RPS6KC1: variants seen among roughly 807,000 people sequenced by gnomAD.
RPS6KC1 encodes the protein inactive ribosomal protein S6 kinase delta-1.
A neutral mutation model predicts 103.8 loss-of-function variants in RPS6KC1; 54 were observed. The ratio of observed to expected loss-of-function variants is 0.52; its 90% confidence interval spans 0.42 to 0.65. RPS6KC1 has a LOEUF of 0.65. Among genes scored for constraint, RPS6KC1 ranks in the 30% least tolerant of loss-of-function variants. RPS6KC1 has a pLI of 0.00. For missense variants in RPS6KC1, 1,151 were observed against 1,253.8 expected (o/e 0.92, Z 1.24); for synonymous variants, 439 against 438.7 (o/e 1.00, Z -0.01).
intron 2 of RPS6KC1, among the ~76,000 whole-genome samples, chr1:213,074,582 G>A (rs114656648): frequency 6.4e-4 from 98 of 152,198 alleles, no homozygotes; most frequent in African/African-American, 2.2e-3. Flanking sequence ...AAGAAAAGGA[G>A]GCAGTGGATG....
chr1:213,091,349 C>T (rs1012857201), intron 3 of RPS6KC1, among the ~76,000 whole-genome samples: 5 of 151,900 alleles, frequency 3.3e-5, no homozygotes, highest in Admixed American at 6.5e-5. Flanking sequence ...GGTGAGCCAC[C>T]GCGCCCGGCC....
chr1:213,587,320 T>C, the RPS6KC1 span, among the ~76,000 whole-genome samples: 1 of 152,176 alleles, frequency 6.6e-6, no homozygotes, highest in Non-Finnish European at 1.5e-5. Context: ...CAGCCCTATA[T>C]TTCTGCCTTA....
At chr1:213,624,249 C>A in the RPS6KC1 span, among the ~76,000 whole-genome samples, 1 of 152,198 alleles carries the variant, frequency 6.6e-6, no homozygotes, top group Non-Finnish European at 1.5e-5. Context: ...TAAGCACTTG[C>A]TGTGTACTCA....
At chr1:213,327,236 A>AAAAAGAAAGAAAGAAAGAAAGAAAGAAAG in the RPS6KC1 span, among the ~76,000 whole-genome samples, 1,479 of 144,654 alleles carry the variant, frequency 0.01, 20 homozygotes, top group South Asian at 0.029. Context: ...GAAAGAAAAG[A>AAAAAGAAAGAAAGAAAGAAAGAAAGAAAG]AAAGAAAGAA....
chr1:213,344,407 G>A, the RPS6KC1 span, among the ~76,000 whole-genome samples: 1 of 152,168 alleles, frequency 6.6e-6, no homozygotes, highest in South Asian at 2.1e-4. Flanking sequence ...AGCATAAAAA[G>A]CTGTCTTAAA....
At chr1:213,108,291 A>G (rs928668573) in intron 4 of RPS6KC1, among the ~76,000 whole-genome samples, 2 of 152,116 alleles carry the variant, frequency 1.3e-5, no homozygotes, top group Admixed American at 6.5e-5. Flanking sequence ...AACGGTCTAA[A>G]TTCATCTTCT....
At chr1:213,175,930 A>T (rs1197974047) in intron 7 of RPS6KC1, among the ~76,000 whole-genome samples, 1 of 152,226 alleles carries the variant, frequency 6.6e-6, no homozygotes, top group Non-Finnish European at 1.5e-5. Context: ...CTGTAGCTTT[A>T]TGATGAGAGA....
chr1:213,136,680 G>A (rs1375328471), intron 6 of RPS6KC1, among the ~76,000 whole-genome samples: 1 of 152,010 alleles, frequency 6.6e-6, no homozygotes, highest in Admixed American at 6.6e-5. Context: ...TATATATACA[G>A]AAAAGTAAAT....
chr1:213,388,758 C>T, the RPS6KC1 span, among the ~76,000 whole-genome samples: 3 of 152,144 alleles, frequency 2.0e-5, no homozygotes, highest in East Asian at 3.8e-4. Context: ...GAGTCACTTC[C>T]CAGGGACATC....
chr1:213,631,286 C>T, the RPS6KC1 span, among the ~76,000 whole-genome samples: 1 of 151,630 alleles, frequency 6.6e-6, no homozygotes, highest in Non-Finnish European at 1.5e-5. Flanking sequence ...CAGAAATCAC[C>T]CATCTTCTGT....
intron 6 of RPS6KC1, among the ~76,000 whole-genome samples, chr1:213,165,430 T>G (rs918625205): frequency 1.3e-5 from 2 of 150,242 alleles, no homozygotes; most frequent in South Asian, 2.1e-4. Flanking sequence ...TGTTGTTGTT[T>G]TTGTTTTTTT....
chr1:213,463,791 A>C, the RPS6KC1 span, among the ~76,000 whole-genome samples: 1 of 152,088 alleles, frequency 6.6e-6, no homozygotes, highest in Non-Finnish European at 1.5e-5. Context: ...AACTATTAAT[A>C]CTGTTCTCTG....
At chr1:213,491,792 T>G in the RPS6KC1 span, among the ~76,000 whole-genome samples, 6 of 152,196 alleles carry the variant, frequency 3.9e-5, no homozygotes, top group African/African-American at 1.4e-4. Flanking sequence ...ATTTGTTCTT[T>G]GTCCATAAGG....
chr1:213,161,910 T>C (rs570033191), intron 6 of RPS6KC1, among the ~76,000 whole-genome samples: 2 of 152,322 alleles, frequency 1.3e-5, no homozygotes, highest in East Asian at 3.9e-4. Context: ...CTTCCGTAGA[T>C]TTTCTACTTC....
intron 1 of RPS6KC1, among the ~76,000 whole-genome samples, chr1:213,055,523 T>C (rs896014368): frequency 3.3e-5 from 5 of 152,388 alleles, no homozygotes; most frequent in African/African-American, 9.6e-5. Context: ...ACAGCTATTA[T>C]GAACATTCAT....
chr1:213,552,503 A>G, the RPS6KC1 span, among the ~76,000 whole-genome samples: 28 of 152,098 alleles, frequency 1.8e-4, no homozygotes, highest in Admixed American at 1.3e-3. Flanking sequence ...TTCCATCCGT[A>G]TATCTTCTTT....
the RPS6KC1 span, among the ~76,000 whole-genome samples, chr1:213,349,581 G>A: frequency 6.6e-6 from 1 of 152,180 alleles, no homozygotes; most frequent in Non-Finnish European, 1.5e-5. Flanking sequence ...CAGACACTTA[G>A]GAGGATCATA....
chr1:213,663,521 G>A, the RPS6KC1 span, among the ~76,000 whole-genome samples: 3 of 152,080 alleles, frequency 2.0e-5, no homozygotes, highest in Non-Finnish European at 2.9e-5. Context: ...CACTTCTGCT[G>A]GTGGCTTAGA....
chr1:213,505,248 C>G, the RPS6KC1 span, among the ~76,000 whole-genome samples: 6 of 152,258 alleles, frequency 3.9e-5, no homozygotes, highest in African/African-American at 1.4e-4. Context: ...AAAAAAGAAC[C>G]ACCCAGACTA....
Sources: allele counts gnomAD v4.1 joint callset (sites outside exome capture counted in the v4.1 genomes callset), GRCh38; gene constraint gnomAD v4.1.1; transcripts MANE v1.5; gene names NCBI Gene and HGNC (gene_info 2026-07-23, HGNC 2026-07-21).